The following CNTNAP2 variants were observed in gnomAD, a reference collection of about 807,000 sequenced individuals.
The protein encoded by CNTNAP2 is contactin associated protein 2.
In CNTNAP2, 98 loss-of-function variants were observed where a neutral mutation model predicts 155.2. The ratio of observed to expected loss-of-function variants is 0.63; its 90% confidence interval spans 0.54 to 0.75. The LOEUF is 0.75. Ranked by LOEUF, CNTNAP2 falls within the 30% of genes least tolerant of loss-of-function variation. The probability of loss-of-function intolerance (pLI) is 0.00; values close to 1 mark genes in which losing one functional copy is unlikely to be tolerated. For missense variants in CNTNAP2, 1,727 were observed against 1,688.1 expected, an observed-to-expected ratio of 1.02 and a Z score of -0.40; for synonymous variants, 651 against 631.2, an observed-to-expected ratio of 1.03 and a Z score of -0.47.
intron 13 of CNTNAP2, among the ~76,000 whole-genome samples, chr7:147,795,683 G>A (rs1447940973): frequency 6.6e-6 from 1 of 152,056 alleles, no homozygotes; most frequent in East Asian, 1.9e-4. Context: ...TTTCAGTTTG[G>A]TTCAGTGACT....
chr7:148,189,732 G>A (rs1795174513), intron 18 of CNTNAP2: 1 of 152,318 alleles, frequency 6.6e-6, no homozygotes, highest in Non-Finnish European at 1.5e-5. Context: ...GACTGAGACA[G>A]GCTGCTATAG....
At chr7:146,641,139 A>C (rs1799698843) in intron 1 of CNTNAP2, among the ~76,000 whole-genome samples, 1 of 152,150 alleles carries the variant, frequency 6.6e-6, no homozygotes, top group Non-Finnish European at 1.5e-5. Flanking sequence ...ATCCTGGCTA[A>C]CACTGTGAAA....
At chr7:147,969,051 G>T (rs1801282011) in intron 14 of CNTNAP2, among the ~76,000 whole-genome samples, 1 of 152,080 alleles carries the variant, frequency 6.6e-6, no homozygotes, top group African/African-American at 2.4e-5. Flanking sequence ...GCCAGCTCAG[G>T]CAAACTGGTC....
intron 13 of CNTNAP2, among the ~76,000 whole-genome samples, chr7:147,860,625 G>GCTCT (rs886549058): frequency 6.7e-6 from 1 of 148,946 alleles, no homozygotes; most frequent in South Asian, 2.1e-4. Context: ...TTTCCTCCTT[G>GCTCT]CTCTCTCTCT....
At chr7:147,450,214 A>G (rs184007253) in intron 10 of CNTNAP2, among the ~76,000 whole-genome samples, 6 of 152,340 alleles carry the variant, frequency 3.9e-5, no homozygotes, top group Non-Finnish European at 7.4e-5. Context: ...GAGATTAGAA[A>G]TATGAGAAGC....
Position 146,934,800 on chromosome 7 carries a change from C to T in CNTNAP2, c.402+94896C>T, listed in dbSNP as rs531136090. Among the ~76,000 whole-genome samples the T allele has an allele frequency of 6.6e-4, 100 of 152,236 alleles. 1 individual carries two copies. The highest frequency in any genetic ancestry group is 2.2e-3 in the African/African-American group (92 of 41,552). ...CTTACATTAAATATATAATCAGTTA[C>T]TTCCAGGCTCTGCCTCTTATTGGAT... On this transcript the variant is annotated intron_variant, in intron 3 of 23. Coordinates refer to ENST00000361727, the MANE Select transcript of CNTNAP2 (RefSeq NM_014141.6).
At chr7:148,238,800 C>T (rs941256035) in intron 20 of CNTNAP2, among the ~76,000 whole-genome samples, 6 of 152,112 alleles carry the variant, frequency 3.9e-5, no homozygotes, top group Non-Finnish European at 7.3e-5. Context: ...ACATGGAGCC[C>T]AGACTGAAAT....
chr7:146,359,027 A>G (rs1795044338), intron 1 of CNTNAP2, among the ~76,000 whole-genome samples: 1 of 152,220 alleles, frequency 6.6e-6, no homozygotes, highest in South Asian at 2.1e-4. Context: ...GCTGTGGTTC[A>G]TCTTAATTAG....
At position 146,885,963 on chromosome 7, in the gene CNTNAP2, GTGTGTGTGTGTA is replaced by G. The variant is rs1482163864; in HGVS notation, c.402+46064_402+46075del. Among the ~76,000 whole-genome samples the G allele has an allele frequency of 2.0e-3, 297 of 146,966 alleles. 1 individual carries two copies. Among genetic ancestry groups the G allele is most frequent in the Non-Finnish European group, 3.3e-3 (221 of 66,266 alleles). ...TGTGTGTGTGTGTGTGTGTGTGTGTGTGTGTGTGTGTATGTGCTTTCCCTTTACATTTTTAAG... is the reference window on the plus strand; with the variant it reads ...TGTGTGTGTGTGTGTGTGTGTGTGTGTGTGCTTTCCCTTTACATTTTTAAG... On this transcript the variant is annotated intron_variant, in intron 3 of 23. Transcript: ENST00000361727.
chr7:147,433,634 T>A (rs2116533520), intron 10 of CNTNAP2, among the ~76,000 whole-genome samples: 1 of 152,330 alleles, frequency 6.6e-6, no homozygotes, highest in East Asian at 1.9e-4. Flanking sequence ...TATTTTAGGA[T>A]TTTCATATTT....
chr7:146,675,859 T>G (rs954323856), intron 1 of CNTNAP2, among the ~76,000 whole-genome samples: 1 of 151,672 alleles, frequency 6.6e-6, no homozygotes, highest in African/African-American at 2.4e-5. Context: ...AAACATTTGC[T>G]TTCCTTATCA....
At chr7:147,123,566 T>G (rs1007450452) in intron 6 of CNTNAP2, among the ~76,000 whole-genome samples, 1 of 152,212 alleles carries the variant, frequency 6.6e-6, no homozygotes, top group African/African-American at 2.4e-5. Flanking sequence ...GGAAGAAATT[T>G]AAATTAACTG....
intron 4 of CNTNAP2, among the ~76,000 whole-genome samples, chr7:147,064,983 G>T (rs780150113): frequency 4.6e-5 from 7 of 152,080 alleles, no homozygotes; most frequent in Non-Finnish European, 8.8e-5. Context: ...GTATTTAAAT[G>T]CCTCTGAAAT....
At chr7:146,833,331 A>G (rs1422915513) in intron 2 of CNTNAP2, among the ~76,000 whole-genome samples, 1 of 151,928 alleles carries the variant, frequency 6.6e-6, no homozygotes, top group African/African-American at 2.4e-5. Context: ...TTTCATTTGC[A>G]TGTTCTTCTT....
chr7:147,422,161 G>GTATATATATAGTATGTATATATACAC (rs1797303008), intron 10 of CNTNAP2, among the ~76,000 whole-genome samples: 1 of 136,652 alleles, frequency 7.3e-6, no homozygotes, highest in Non-Finnish European at 1.5e-5. Flanking sequence ...TATATATACA[G>GTATATATATAGTATGTATATATACAC]TATATATATA....
chr7:147,418,381 ATT>A (rs1482561097), intron 10 of CNTNAP2, among the ~76,000 whole-genome samples: 2 of 152,230 alleles, frequency 1.3e-5, no homozygotes, highest in Non-Finnish European at 2.9e-5. Context: ...TTTATTCTCC[ATT>A]TCAGAACACA....
intron 3 of CNTNAP2, among the ~76,000 whole-genome samples, chr7:146,845,611 C>T (rs927011518): frequency 6.6e-6 from 1 of 152,068 alleles, no homozygotes; most frequent in African/African-American, 2.4e-5. Context: ...TTTTTAGTCA[C>T]CCTCTATGTT....
At chr7:146,938,860 A>C (rs1796984546) in intron 3 of CNTNAP2, among the ~76,000 whole-genome samples, 2 of 152,112 alleles carry the variant, frequency 1.3e-5, no homozygotes, top group Non-Finnish European at 2.9e-5. Flanking sequence ...TACCAAGCCA[A>C]GCATTAGATA....
intron 1 of CNTNAP2, among the ~76,000 whole-genome samples, chr7:146,451,016 G>C (rs528364339): frequency 1.3e-5 from 2 of 151,906 alleles, no homozygotes; most frequent in African/African-American, 4.8e-5. Context: ...GCGTGGTCTT[G>C]GCTCACTGCA....
Sources: gnomAD v4.1 joint callset for allele counts (sites outside exome capture counted in the v4.1 genomes callset) on GRCh38, gnomAD v4.1.1 for gene constraint, MANE v1.5 for transcripts, NCBI Gene and HGNC (gene_info 2026-07-23, HGNC 2026-07-21) for gene names.